ANK2: variants seen among roughly 807,000 people sequenced by gnomAD.
The protein encoded by ANK2 is ankyrin-2.
A neutral mutation model predicts 360.5 loss-of-function variants in ANK2; 83 were observed. That is an observed-to-expected ratio of 0.23 (90% CI 0.19 to 0.28). ANK2 has a LOEUF of 0.28. Ranked by LOEUF, ANK2 falls within the 10% of genes least tolerant of loss-of-function variation. The pLI is 1.00. For synonymous variants in ANK2, 1,740 were observed against 1,759.5 expected, an observed-to-expected ratio of 0.99 and a Z score of 0.28; for missense variants, 4,201 against 4,795.7, an observed-to-expected ratio of 0.88 and a Z score of 3.66.
In ANK2 at chr4:113,311,329, C is replaced by T; in HGVS notation, c.2623C>T (p.Leu875=). Residue 875 remains leucine (L), a synonymous_variant, in exon 24 of 46, where the codon CTA becomes TTA. Transcript: ENST00000357077. ...EDLKELGDDS[L]PSSQFLDGMN... ...CCTAAAAGAACTGGGTGATGACTCA[C>T]TACCCAGCAGTCAGTTCCTGGATGG... 6.2e-7 allele frequency: 1 copy of T among 1,614,120 alleles called. No individual in the cohort carries two copies. The highest frequency in any genetic ancestry group is 1.1e-5 in the South Asian group (1 of 91,086).
intron 1 of ANK2, among the ~76,000 whole-genome samples, chr4:112,882,699 G>T (rs920042009): frequency 4.2e-5 from 6 of 141,346 alleles, no homozygotes; most frequent in South Asian, 4.3e-4. Flanking sequence ...ATTAATAATA[G>T]AATTTTTTTT....
At chr4:113,199,451 T>G (rs2098797894) in intron 4 of ANK2, among the ~76,000 whole-genome samples, 1 of 152,160 alleles carries the variant, frequency 6.6e-6, no homozygotes, top group African/African-American at 2.4e-5. Context: ...AGTATTCTCT[T>G]TCCGTAAATT....
intron 1 of ANK2, among the ~76,000 whole-genome samples, chr4:113,146,294 C>T (rs894394704): frequency 2.6e-5 from 4 of 152,154 alleles, no homozygotes; most frequent in African/African-American, 7.2e-5. Context: ...GGTGGACATA[C>T]GTATTATTAT....
chr4:112,860,450 C>T (rs2067644988), intron 1 of ANK2, among the ~76,000 whole-genome samples: 1 of 152,072 alleles, frequency 6.6e-6, no homozygotes, highest in Admixed American at 6.6e-5. Flanking sequence ...TGGTCTCGAA[C>T]TCCTGACCTC....
At chr4:113,275,937 GTTTTTT>G (rs557950582) in intron 15 of ANK2, among the ~76,000 whole-genome samples, 1 of 118,846 alleles carries the variant, frequency 8.4e-6, no homozygotes, top group African/African-American at 3.3e-5. Flanking sequence ...GTTAAACAGT[GTTTTTT>G]TTTTTTTTTT....
Position 112,874,151 on chromosome 4 carries a change from G to T in ANK2, c.-39-30304G>T, listed in dbSNP as rs1481054350. On this transcript the variant is annotated intron_variant, in intron 1 of 30. Coordinates refer to the ANK2 transcript ENST00000503271. The stretch of plus-strand genomic sequence containing the variant: ...AGCTGGAGTTCAATGGCGCCATCTC[G>T]GCTCACTGCAACCTCCGCCTCCTGG... Among the ~76,000 whole-genome samples the T allele has an allele frequency of 2.1e-5, 3 of 141,864 alleles. No homozygotes were observed. The East Asian group carries it at 6.6e-4, about 31-fold the overall frequency. 93.1% of individuals were successfully genotyped at this position (141,864 alleles called of 152,430 possible). A position where few individuals can be genotyped will look rare whatever the true frequency, so the allele number is the denominator to read the frequency against.
chr4:113,123,241 A>T (rs2095475322), intron 1 of ANK2, among the ~76,000 whole-genome samples: 1 of 152,088 alleles, frequency 6.6e-6, no homozygotes, highest in African/African-American at 2.4e-5. Flanking sequence ...TACCTTTATT[A>T]TCAAACTTAA....
At chr4:113,092,698 A>G (rs566323699) in intron 1 of ANK2, among the ~76,000 whole-genome samples, 1 of 152,320 alleles carries the variant, frequency 6.6e-6, no homozygotes, top group East Asian at 1.9e-4. Context: ...TAAAATAGGG[A>G]TATTAATAAT....
At chr4:112,923,434 C>T (rs909566662) in intron 2 of ANK2, among the ~76,000 whole-genome samples, 1 of 150,996 alleles carries the variant, frequency 6.6e-6, no homozygotes, top group Non-Finnish European at 1.5e-5. Flanking sequence ...CTAAATGTTG[C>T]TGTATTTTTT....
chr4:113,142,978 A>C (rs986620482), intron 1 of ANK2, among the ~76,000 whole-genome samples: 11 of 148,874 alleles, frequency 7.4e-5, no homozygotes, highest in African/African-American at 2.7e-4. Context: ...AATATGTTTA[A>C]AATTATTAAA....
chr4:113,046,637 G>T (rs982364961), upstream of ANK2, among the ~76,000 whole-genome samples: 3 of 152,042 alleles, frequency 2.0e-5, no homozygotes, highest in Non-Finnish European at 4.4e-5. Context: ...GAGCCTGCTG[G>T]TGCCTTGATC....
At chr4:113,007,184 G>A (rs968404881) in intron 2 of ANK2, among the ~76,000 whole-genome samples, 1 of 152,164 alleles carries the variant, frequency 6.6e-6, no homozygotes, top group South Asian at 2.1e-4. Context: ...GATAAAATAT[G>A]TAATACATGA....
chr4:113,258,932 A>T (rs1229153959), intron 13 of ANK2, among the ~76,000 whole-genome samples: 1 of 152,144 alleles, frequency 6.6e-6, no homozygotes, highest in Non-Finnish European at 1.5e-5. Flanking sequence ...CCATTTTGTA[A>T]CATTACGTTG....
intron 2 of ANK2, among the ~76,000 whole-genome samples, chr4:113,016,913 G>C (rs2056803316): frequency 6.6e-6 from 1 of 152,124 alleles, no homozygotes; most frequent in African/African-American, 2.4e-5. Flanking sequence ...CATCAACTTG[G>C]AGTGCTTGAG....
chr4:113,272,798 G>A (rs2059010614), intron 14 of ANK2, among the ~76,000 whole-genome samples: 1 of 152,050 alleles, frequency 6.6e-6, no homozygotes. Flanking sequence ...CTATTTTAGA[G>A]TGTGTCACTT....
Position 113,356,465 on chromosome 4 carries a change from A to G in ANK2, c.7847A>G (p.Lys2616Arg). 6.2e-7 allele frequency: 1 copy of G among 1,614,192 alleles called. No homozygotes were observed. The highest frequency in any genetic ancestry group is 8.5e-7 in the Non-Finnish European group (1 of 1,179,994). Reference sequence around the variant, plus strand: ...AAAAGGGACTACAAAAAAGAACCCAAACAAGAAGAATCTTCTTCATCTTCT... The same window carrying G: ...AAAAGGGACTACAAAAAAGAACCCAGACAAGAAGAATCTTCTTCATCTTCT... ...KQKRDYKKEP[K>R]QEESSSSSDP... Residue 2616 changes from lysine (K) to arginine (R), a missense_variant, in exon 38 of 46, where the codon AAA (lysine) becomes AGA (arginine). Around this residue, in one of 4 missense-constraint regions of ANK2, gnomAD observed 2,642 missense variants for 2,714.5 expected, o/e 0.97. Coordinates refer to ENST00000357077, the MANE Select transcript of ANK2 (RefSeq NM_001148.6).
chr4:112,882,712 T>C (rs543743636), intron 1 of ANK2, among the ~76,000 whole-genome samples: 1 of 151,932 alleles, frequency 6.6e-6, no homozygotes, highest in African/African-American at 2.4e-5. Flanking sequence ...TTTTTTTTTT[T>C]TAAAATGAAG....
chr4:113,150,380 C>T lies in ANK2; in HGVS notation c.85-24036C>T, dbSNP rs148150707. On this transcript the variant is annotated intron_variant, in intron 1 of 45. Transcript: ENST00000357077. ...AGTGTCCATTGGGAGTGGTTGGTGC[C>T]TGAGCTGAACTAGTTGTTAAATATT... Among the ~76,000 whole-genome samples, 23 of 152,264 alleles carry T rather than the reference C, an allele frequency of 1.5e-4. No individual in the cohort carries two copies. In the East Asian group the frequency reaches 4.4e-3, roughly 29 times the overall value.
chr4:112,837,895 C>G (rs1416601501), intron 1 of ANK2, among the ~76,000 whole-genome samples: 1 of 152,174 alleles, frequency 6.6e-6, no homozygotes, highest in Non-Finnish European at 1.5e-5. Context: ...TGCCTTGTCT[C>G]AGATTAGACT....
Sources: allele counts gnomAD v4.1 joint callset (sites outside exome capture counted in the v4.1 genomes callset), GRCh38; gene constraint gnomAD v4.1.1; regional missense constraint gnomAD v4.1.1; transcripts MANE v1.5; gene names NCBI Gene and HGNC (gene_info 2026-07-23, HGNC 2026-07-21).